The following EXOC4 variants were observed in gnomAD, a reference collection of about 807,000 sequenced individuals.
EXOC4 encodes the protein SEC8-like 1.
A neutral mutation model predicts 107.2 loss-of-function variants in EXOC4; 71 were observed. That is an observed-to-expected ratio of 0.66 (90% confidence interval 0.55 to 0.81). The LOEUF (loss-of-function observed/expected upper bound fraction) is 0.81, where lower values mean the gene tolerates loss of function less well. Ranked by LOEUF, EXOC4 falls within the 30% of genes least tolerant of loss-of-function variation. The probability of loss-of-function intolerance (pLI) is 0.00; values close to 1 mark genes in which losing one functional copy is unlikely to be tolerated. For synonymous variants in EXOC4, 456 were observed against 441.2 expected (o/e 1.03, Z -0.42); for missense variants, 1,108 against 1,189.6 (o/e 0.93, Z 1.01).
At chr7:134,003,743 ATT>A (rs1217559572) in intron 15 of EXOC4, among the ~76,000 whole-genome samples, 1 of 145,162 alleles carries the variant, frequency 6.9e-6, no homozygotes, top group Non-Finnish European at 1.5e-5. Flanking sequence ...TTGGTTTGGG[ATT>A]TTTTTTTTTT....
chr7:133,698,909 G>A (rs1160266571), intron 10 of EXOC4, among the ~76,000 whole-genome samples: 1 of 152,008 alleles, frequency 6.6e-6, no homozygotes, highest in African/African-American at 2.4e-5. Flanking sequence ...GAAAAAGTAG[G>A]CAATAAAATA....
At chr7:133,489,068 G>A (rs959335686) in intron 9 of EXOC4, among the ~76,000 whole-genome samples, 1 of 150,272 alleles carries the variant, frequency 6.7e-6, no homozygotes, top group African/African-American at 2.4e-5. Flanking sequence ...TTGTATGAAG[G>A]TCAGAAGCAG....
downstream of EXOC4, among the ~76,000 whole-genome samples, chr7:134,067,795 G>GAT (rs2116656731): frequency 6.6e-6 from 1 of 152,182 alleles, no homozygotes; most frequent in East Asian, 1.9e-4. Flanking sequence ...CTCTTTGGGT[G>GAT]ATATTGTGCC....
intron 11 of EXOC4, among the ~76,000 whole-genome samples, chr7:133,869,069 C>A (rs966336488): frequency 6.9e-6 from 1 of 145,780 alleles, no homozygotes; most frequent in Admixed American, 6.9e-5. Context: ...TTTCTAGTTA[C>A]CCTCCCTGAA....
chr7:133,477,818 A>G (rs892369562), intron 8 of EXOC4, among the ~76,000 whole-genome samples: 3 of 152,234 alleles, frequency 2.0e-5, no homozygotes, highest in East Asian at 3.9e-4. Flanking sequence ...GCTAATGACA[A>G]AACTCTTCAG....
intron 10 of EXOC4, among the ~76,000 whole-genome samples, chr7:133,797,909 G>A (rs1355740198): frequency 6.6e-6 from 1 of 152,196 alleles, no homozygotes; most frequent in African/African-American, 2.4e-5. Context: ...CAAATGAAAA[G>A]TAAACAAAGT....
the EXOC4 span, among the ~76,000 whole-genome samples, chr7:134,073,374 T>A: frequency 1.3e-5 from 2 of 151,684 alleles, no homozygotes; most frequent in Non-Finnish European, 2.9e-5. Flanking sequence ...TTCAGCCCCC[T>A]CCCCACACAT....
chr7:133,268,530 A>C (rs1019989144), intron 1 of EXOC4, among the ~76,000 whole-genome samples: 1 of 152,164 alleles, frequency 6.6e-6, no homozygotes, highest in Admixed American at 6.5e-5. Flanking sequence ...CCATTACTCT[A>C]TTAAGACCAA....
chr7:133,342,556 G>A (rs1402240925), intron 5 of EXOC4, among the ~76,000 whole-genome samples: 1 of 152,042 alleles, frequency 6.6e-6, no homozygotes, highest in Admixed American at 6.6e-5. Context: ...TCTTTTATTT[G>A]GATGTCTAGA....
intron 10 of EXOC4, chr7:133,732,946 C>T (rs1303210097): frequency 6.2e-6 from 1 of 160,130 alleles, no homozygotes; most frequent in Non-Finnish European, 1.4e-5. Context: ...ATTTTTTTGA[C>T]CATGGAACAT....
chr7:134,100,929 C>T, the EXOC4 span, among the ~76,000 whole-genome samples: 2 of 124,722 alleles, frequency 1.6e-5, no homozygotes, highest in Non-Finnish European at 3.5e-5. Context: ...GGTGACAGAG[C>T]AAGACTCCAT....
chr7:133,257,391 C>G (rs1249819704), intron 1 of EXOC4, among the ~76,000 whole-genome samples: 1 of 152,054 alleles, frequency 6.6e-6, no homozygotes, highest in Non-Finnish European at 1.5e-5. Flanking sequence ...CACACGTGCA[C>G]ACACACAATT....
intron 9 of EXOC4, among the ~76,000 whole-genome samples, chr7:133,597,183 CT>C (rs1801693457): frequency 6.6e-6 from 1 of 152,204 alleles, no homozygotes; most frequent in African/African-American, 2.4e-5. Context: ...AAACAACGGC[CT>C]CTACAAGATG....
intron 10 of EXOC4, among the ~76,000 whole-genome samples, chr7:133,697,493 G>T (rs538283717): frequency 6.6e-6 from 1 of 152,134 alleles, no homozygotes; most frequent in Non-Finnish European, 1.5e-5. Flanking sequence ...GGAATCCAGA[G>T]GTGTGTAACT....
chr7:133,310,417 TG>T (rs1794845026), intron 4 of EXOC4, among the ~76,000 whole-genome samples: 3 of 152,182 alleles, frequency 2.0e-5, no homozygotes, highest in African/African-American at 7.2e-5. Flanking sequence ...AGAATAACAT[TG>T]TGTCCTTCAA....
chr7:133,346,233 G>A (rs975178958), intron 5 of EXOC4, among the ~76,000 whole-genome samples: 1 of 152,126 alleles, frequency 6.6e-6, no homozygotes, highest in Non-Finnish European at 1.5e-5. Flanking sequence ...TGTGCTTGCT[G>A]CTTTTAGTGG....
chr7:133,795,777 C>CT (rs1408261624), intron 10 of EXOC4, among the ~76,000 whole-genome samples: 1 of 152,216 alleles, frequency 6.6e-6, no homozygotes, highest in Non-Finnish European at 1.5e-5. Context: ...AAAAGCATCT[C>CT]TATCAACCGT....
intron 3 of EXOC4, among the ~76,000 whole-genome samples, chr7:133,300,460 A>C (rs1794617690): frequency 6.6e-6 from 1 of 152,188 alleles, no homozygotes. Flanking sequence ...CCCTTGAATG[A>C]ATCCCCTTTA....
chr7:133,604,973 C>T (rs541548726), intron 9 of EXOC4, among the ~76,000 whole-genome samples: 1 of 152,114 alleles, frequency 6.6e-6, no homozygotes, highest in South Asian at 2.1e-4. Context: ...GATCCACCCA[C>T]CTCGGCCTCC....
Sources: gnomAD v4.1 joint callset for allele counts (sites outside exome capture counted in the v4.1 genomes callset) on GRCh38, gnomAD v4.1.1 for gene constraint, MANE v1.5 for transcripts, NCBI Gene and HGNC (gene_info 2026-07-23, HGNC 2026-07-21) for gene names.